GLCE: variants seen among roughly 807,000 people sequenced by gnomAD.
GLCE encodes the protein glucuronic acid epimerase.
In GLCE, 19 loss-of-function variants were observed where a neutral mutation model predicts 47.9. That is an observed-to-expected ratio of 0.40 (90% CI 0.28 to 0.58). GLCE has a LOEUF of 0.58. Ranked by LOEUF, GLCE falls within the 20% of genes least tolerant of loss-of-function variation. The pLI is 0.48. For synonymous variants in GLCE, 245 were observed against 263.4 expected (o/e 0.93, Z 0.68); for missense variants, 556 against 743.3 (o/e 0.75, Z 2.93).
intron 1 of GLCE, among the ~76,000 whole-genome samples, chr15:69,172,212 CAAGT>C (rs1048439691): frequency 6.6e-6 from 1 of 152,028 alleles, no homozygotes; most frequent in African/African-American, 2.4e-5. Flanking sequence ...TATGGGAAAA[CAAGT>C]AAAGGTTACA....
chr15:69,222,896 G>A (rs1407368562), intron 2 of GLCE, among the ~76,000 whole-genome samples: 1 of 152,068 alleles, frequency 6.6e-6, no homozygotes, highest in East Asian at 1.9e-4. Flanking sequence ...TGGTTACCAT[G>A]GGATTACAAT....
intron 1 of GLCE, among the ~76,000 whole-genome samples, chr15:69,200,979 T>G (rs539882900): frequency 1.3e-5 from 2 of 152,250 alleles, no homozygotes; most frequent in East Asian, 3.9e-4. Flanking sequence ...TTCTAGCACC[T>G]ACATTCCACC....
chr15:69,189,460 G>T (rs563404209), intron 1 of GLCE, among the ~76,000 whole-genome samples: 2 of 152,170 alleles, frequency 1.3e-5, no homozygotes, highest in African/African-American at 2.4e-5. Context: ...GGACATATTG[G>T]TGGCTTCCAA....
Position 69,255,941 on chromosome 15 carries a change from T to C in GLCE, c.135T>C (p.Ser45=), listed in dbSNP as rs2052915584. 1 of 1,614,036 alleles carries C rather than the reference T, an allele frequency of 6.2e-7. No homozygotes were observed. The highest frequency in any genetic ancestry group is 1.3e-5 in the African/African-American group (1 of 74,990). Residue 45 remains serine, a synonymous_variant, in exon 3 of 5, where the codon AGT becomes AGC. Transcript: ENST00000261858. ...KAIQFPRRSS[S]GFRVDGFEKR... The stretch of plus-strand genomic sequence containing the variant: ...TCCAGTTTCCACGGCGTTCGAGTAG[T>C]GGCTTCAGAGTGGATGGGTTTGAAA...
intron 1 of GLCE, among the ~76,000 whole-genome samples, chr15:69,198,650 C>T (rs1464091571): frequency 6.6e-6 from 1 of 152,140 alleles, no homozygotes; most frequent in South Asian, 2.1e-4. Context: ...AAAGAGAGTG[C>T]TAGCAAGAAG....
intron 1 of GLCE, among the ~76,000 whole-genome samples, chr15:69,195,286 CTG>C (rs546149327): frequency 1.5e-3 from 221 of 151,966 alleles, no homozygotes; most frequent in African/African-American, 5.2e-3. Flanking sequence ...CTTTGGGACA[CTG>C]TGTAAATATA....
chr15:69,258,605 ATAG>A (rs1256665562), intron 3 of GLCE, among the ~76,000 whole-genome samples: 6 of 152,002 alleles, frequency 3.9e-5, no homozygotes, highest in African/African-American at 1.2e-4. Context: ...TTGTGGGTAC[ATAG>A]TAGGTGTATG....
At chr15:69,198,633 G>A (rs1240950848) in intron 1 of GLCE, among the ~76,000 whole-genome samples, 2 of 152,162 alleles carry the variant, frequency 1.3e-5, no homozygotes, top group Non-Finnish European at 2.9e-5. Context: ...AAGAAAAAGT[G>A]CCAGCAAAAG....
intron 2 of GLCE, among the ~76,000 whole-genome samples, chr15:69,248,744 G>T (rs895458033): frequency 6.6e-6 from 1 of 152,024 alleles, no homozygotes; most frequent in African/African-American, 2.4e-5. Context: ...GGGACAACAG[G>T]TGCGCACCAC....
intron 4 of GLCE, among the ~76,000 whole-genome samples, chr15:69,266,618 G>A (rs565401760): frequency 6.6e-6 from 1 of 152,310 alleles, no homozygotes; most frequent in South Asian, 2.1e-4. Flanking sequence ...GCCTGGCCCA[G>A]TTCACATTTC....
intron 2 of GLCE, among the ~76,000 whole-genome samples, chr15:69,231,778 CTA>C (rs1566963279): frequency 7.2e-5 from 11 of 151,920 alleles, no homozygotes; most frequent in Non-Finnish European, 1.3e-4. Context: ...AGATATCTAT[CTA>C]TCTTTTTTGT....
rs869212730 is a variant in GLCE, at chr15:69,235,093, C to CTTTT, written c.-13-20672_-13-20669dup. 3.3e-3 allele frequency among the ~76,000 whole-genome samples: 210 copies of CTTTT among 62,882 alleles called. 37 individuals are homozygous for CTTTT. Among genetic ancestry groups the CTTTT allele is most frequent in the African/African-American group, 0.014 (181 of 13,350 alleles). The allele number at this position is 62,882 out of a possible 152,430, so 41.3% of individuals were successfully genotyped here. ...CTGATACAGATAGATGAAGATTATTCTTTTTTTTTTTTTTTTTTTTTTTTT... is the reference window on the plus strand; with the variant it reads ...CTGATACAGATAGATGAAGATTATTCTTTTTTTTTTTTTTTTTTTTTTTTTTTTT... On this transcript the variant is annotated intron_variant, in intron 2 of 4. Transcript: ENST00000261858.
chr15:69,214,030 C>G (rs901895398), intron 2 of GLCE, among the ~76,000 whole-genome samples: 2 of 151,922 alleles, frequency 1.3e-5, no homozygotes, highest in African/African-American at 4.8e-5. Context: ...TTTTTTAAAG[C>G]AATTCCTTAC....
intron 2 of GLCE, among the ~76,000 whole-genome samples, chr15:69,251,898 G>C (rs541452786): frequency 6.6e-6 from 1 of 152,112 alleles, no homozygotes; most frequent in Non-Finnish European, 1.5e-5. Context: ...GTGGTATACT[G>C]AACTTCCAAT....
At chr15:69,163,040 A>C (rs1457428771) in intron 1 of GLCE, among the ~76,000 whole-genome samples, 3 of 152,252 alleles carry the variant, frequency 2.0e-5, no homozygotes, top group African/African-American at 4.8e-5. Context: ...GTTTAAAATA[A>C]GTTTTGTTGT....
chr15:69,186,045 G>A (rs2051817611), intron 1 of GLCE, among the ~76,000 whole-genome samples: 1 of 152,148 alleles, frequency 6.6e-6, no homozygotes, highest in South Asian at 2.1e-4. Flanking sequence ...ATGAAGCGAT[G>A]CATAGGGTGA....
At chr15:69,221,588 C>A (rs2052377556) in intron 2 of GLCE, among the ~76,000 whole-genome samples, 1 of 151,782 alleles carries the variant, frequency 6.6e-6, no homozygotes, top group South Asian at 2.1e-4. Context: ...TTAGGCTGGG[C>A]ACGGTGGCTC....
At chr15:69,180,633 G>A (rs965058815) in intron 1 of GLCE, among the ~76,000 whole-genome samples, 2 of 152,190 alleles carry the variant, frequency 1.3e-5, no homozygotes, top group Non-Finnish European at 1.5e-5. Flanking sequence ...GTTGGAGCAT[G>A]CCTGCGGTAT....
chr15:69,256,642 C>G lies in GLCE; in HGVS notation c.586+250C>G, dbSNP rs1334955329. On this transcript the variant is annotated intron_variant, in intron 3 of 4. Coordinates refer to ENST00000261858, the MANE Select transcript of GLCE (RefSeq NM_015554.3). Reference sequence around the variant, plus strand: ...TTAACGTAACTCAGAATCTAAAATTCTCACCAGTAAGGTAAAGGCATTGTT... The same window carrying G: ...TTAACGTAACTCAGAATCTAAAATTGTCACCAGTAAGGTAAAGGCATTGTT... 2.0e-5 allele frequency among the ~76,000 whole-genome samples: 3 copies of G among 152,110 alleles called. No individual in the cohort carries two copies. In the East Asian group the frequency reaches 5.8e-4, roughly 29 times the overall value.
Sources: allele counts gnomAD v4.1 joint callset (sites outside exome capture counted in the v4.1 genomes callset), GRCh38; gene constraint gnomAD v4.1.1; transcripts MANE v1.5; gene names NCBI Gene and HGNC (gene_info 2026-07-23, HGNC 2026-07-21).